Variants in EYS observed in about 807,000 individuals in gnomAD.
EYS encodes the protein EGF-like photoreceptor maintenance factor, also known as protein eyes shut homolog.
A neutral mutation model predicts 282.1 loss-of-function variants in EYS; 250 were observed. That is an observed-to-expected ratio of 0.89 (90% CI 0.80 to 0.98). The LOEUF is 0.98. Among genes scored for constraint, EYS ranks in the 50% least tolerant of loss-of-function variants. EYS has a pLI of 0.00. For synonymous variants in EYS, 1,355 were observed against 1,282.9 expected (o/e 1.06, Z -1.20); for missense variants, 4,016 against 3,709.0 (o/e 1.08, Z -2.15).
chr6:64,017,021 G>A (rs554510554), intron 33 of EYS, among the ~76,000 whole-genome samples: 1 of 151,652 alleles, frequency 6.6e-6, no homozygotes, highest in South Asian at 2.1e-4. Flanking sequence ...CATGTCCTTG[G>A]TCTTTTTTCC....
At chr6:65,333,225 G>A (rs549210665) in intron 11 of EYS, among the ~76,000 whole-genome samples, 47 of 151,542 alleles carry the variant, frequency 3.1e-4, no homozygotes, top group African/African-American at 1.1e-3. Flanking sequence ...CATCCCATGA[G>A]TTTTGGTATC....
At position 64,912,606 on chromosome 6, in the gene EYS, A is replaced by AG; in HGVS notation, c.2518dup (p.Leu840ProfsTer12). On this transcript the variant is annotated frameshift_variant, in exon 16 of 43. Coordinates refer to ENST00000503581, the MANE Select transcript of EYS (RefSeq NM_001142800.2). LOFTEE classifies it high-confidence loss of function. ...TTGGTGGCAAAATTGTCCAGTATAAAGGGGTGGGCACAGACATACAAATTG... is the reference window on the plus strand; with the variant it reads ...TTGGTGGCAAAATTGTCCAGTATAAAGGGGGTGGGCACAGACATACAAATTG... The AG allele has an allele frequency of 6.4e-7, 1 of 1,551,310 alleles. No individual in the cohort carries two copies.
intron 7 of EYS, among the ~76,000 whole-genome samples, chr6:65,389,070 A>T (rs1285559977): frequency 1.3e-5 from 2 of 152,114 alleles, no homozygotes; most frequent in Non-Finnish European, 2.9e-5. Flanking sequence ...TTACTATAAT[A>T]GCTTATTAAC....
chr6:64,668,050 G>A (rs1295977260), intron 22 of EYS, among the ~76,000 whole-genome samples: 2 of 152,108 alleles, frequency 1.3e-5, no homozygotes, highest in East Asian at 1.9e-4. Flanking sequence ...TCTCAGATAA[G>A]GTTACTGCTG....
chr6:64,864,385 CTTT>C lies in EYS; in HGVS notation c.2992+22309_2992+22311del, dbSNP rs769240399. Among the ~76,000 whole-genome samples, 9 of 57,190 alleles carry C rather than the reference CTTT, an allele frequency of 1.6e-4. 1 individual carries two copies. The highest frequency in any genetic ancestry group is 2.5e-4 in the Admixed American group (1 of 4,002). 37.5% of individuals were successfully genotyped at this position (57,190 alleles called of 152,430 possible). ...GAGAAATACAGAGGTGCTATACCTT[CTTT>C]TTTTTTTTTTTTTTTTTTGACAGAA... On this transcript the variant is annotated intron_variant, in intron 19 of 42. Coordinates refer to ENST00000503581, the MANE Select transcript of EYS (RefSeq NM_001142800.2).
intron 12 of EYS, among the ~76,000 whole-genome samples, chr6:65,121,460 A>C (rs1235872828): frequency 6.6e-6 from 1 of 152,100 alleles, no homozygotes; most frequent in African/African-American, 2.4e-5. Flanking sequence ...CTAAATTTTC[A>C]TGTGGTGTGC....
chr6:64,085,336 G>GCACACACACA (rs1304096306), intron 31 of EYS, among the ~76,000 whole-genome samples: 1 of 76,640 alleles, frequency 1.3e-5, no homozygotes, highest in East Asian at 4.9e-4. Context: ...GCGCACGTGC[G>GCACACACACA]CGCGCACACA....
intron 36 of EYS, among the ~76,000 whole-genome samples, chr6:63,826,073 T>C: frequency 6.6e-6 from 1 of 152,226 alleles, no homozygotes; most frequent in Middle Eastern, 3.4e-3. Context: ...TTCAGGAAAC[T>C]TTGGACACTT....
intron 26 of EYS, among the ~76,000 whole-genome samples, chr6:64,479,255 C>A (rs1262147476): frequency 6.6e-6 from 1 of 152,052 alleles, no homozygotes; most frequent in African/African-American, 2.4e-5. Flanking sequence ...TAACCAACCT[C>A]AAGACCCAGT....
chr6:63,986,942 A>C (rs1006996167), intron 34 of EYS, among the ~76,000 whole-genome samples: 17 of 130,364 alleles, frequency 1.3e-4, no homozygotes, highest in African/African-American at 4.6e-4. Context: ...AAGTTAAAAA[A>C]CAAAAAAAAG....
At chr6:65,187,842 C>G (rs1488019161) in intron 12 of EYS, among the ~76,000 whole-genome samples, 2 of 151,616 alleles carry the variant, frequency 1.3e-5, no homozygotes, top group Non-Finnish European at 3.0e-5. Flanking sequence ...AAAAATATTG[C>G]TAATTTTATT....
chr6:65,175,448 T>C (rs187348983), intron 12 of EYS, among the ~76,000 whole-genome samples: 2 of 151,326 alleles, frequency 1.3e-5, no homozygotes, highest in Admixed American at 6.6e-5. Flanking sequence ...GCAAAGCATA[T>C]CATTTGAGTG....
chr6:64,617,671 T>C, intron 23 of EYS, 138 bp from the exon 24 acceptor site: 1 of 630,598 alleles, frequency 1.6e-6, no homozygotes, highest in Non-Finnish European at 2.8e-6. Context: ...TCAGTGTATC[T>C]TCATGATCAG....
intron 12 of EYS, among the ~76,000 whole-genome samples, chr6:65,140,339 A>AG (rs1313297011): frequency 6.6e-6 from 1 of 152,032 alleles, no homozygotes; most frequent in Non-Finnish European, 1.5e-5. Context: ...AATAATAGAA[A>AG]ATAAACTGAA....
At chr6:64,643,693 T>C (rs990854481) in intron 22 of EYS, among the ~76,000 whole-genome samples, 8 of 152,324 alleles carry the variant, frequency 5.3e-5, no homozygotes, top group Middle Eastern at 3.4e-3. Context: ...GTGTGGGTCT[T>C]TCTCCTGCTT....
intron 31 of EYS, among the ~76,000 whole-genome samples, chr6:64,154,380 C>T (rs982694034): frequency 4.5e-5 from 6 of 134,540 alleles, no homozygotes; most frequent in East Asian, 4.8e-4. Context: ...GCAGAGGTTG[C>T]GGTGAGCCGA....
At chr6:63,865,872 G>A (rs894901486) in intron 35 of EYS, among the ~76,000 whole-genome samples, 6 of 152,138 alleles carry the variant, frequency 3.9e-5, no homozygotes, top group African/African-American at 1.2e-4. Context: ...GAAAGTTTAT[G>A]TATCAGATAG....
At chr6:64,444,070 T>C (rs3904797) in intron 26 of EYS, among the ~76,000 whole-genome samples, 42,152 of 152,110 alleles carry the variant, frequency 0.28, 5,973 homozygotes, top group East Asian at 0.46. Context: ...TATTCCACCA[T>C]GACAATGCTC....
chr6:65,213,036 T>A (rs1186088932), intron 12 of EYS, among the ~76,000 whole-genome samples: 2 of 152,186 alleles, frequency 1.3e-5, no homozygotes, highest in Non-Finnish European at 2.9e-5. Context: ...TCTTTATTTT[T>A]TTTTCCTTTG....
Sources: allele counts gnomAD v4.1 joint callset (sites outside exome capture counted in the v4.1 genomes callset), GRCh38; gene constraint gnomAD v4.1.1; transcripts MANE v1.5; gene names NCBI Gene and HGNC (gene_info 2026-07-23, HGNC 2026-07-21).